Variants in PCDHGA4 observed in about 807,000 individuals in gnomAD.
PCDHGA4 encodes the protein protocadherin gamma-A4.
PCDHGA4 carries 38 observed loss-of-function variants against 54.6 expected under a neutral mutation model. The ratio of observed to expected loss-of-function variants is 0.70; its 90% CI spans 0.54 to 0.91. The LOEUF (loss-of-function observed/expected upper bound fraction) is 0.91. Ranked by LOEUF, PCDHGA4 falls within the 40% of genes least tolerant of loss-of-function variation. PCDHGA4 has a pLI of 0.00. For synonymous variants in PCDHGA4, 511 were observed against 512.9 expected (o/e 1.00, Z 0.05); for missense variants, 1,298 against 1,220.9 (o/e 1.06, Z -0.94).
intron 1 of PCDHGA4, among the ~76,000 whole-genome samples, chr5:141,434,982 A>G (rs908716553): frequency 3.3e-5 from 5 of 152,084 alleles, no homozygotes; most frequent in East Asian, 1.9e-4. Flanking sequence ...TTAATACTCT[A>G]TATCATTTTC....
chr5:141,357,966 G>T (rs1480314372), intron 1 of PCDHGA4, among the ~76,000 whole-genome samples: 1 of 152,286 alleles, frequency 6.6e-6, no homozygotes, highest in East Asian at 1.9e-4. Flanking sequence ...GAGGAGGACG[G>T]ATTGCCTGAG....
In PCDHGA4 at chr5:141,511,086, G is replaced by A. The variant is rs2099883600; in HGVS notation, c.2802G>A (p.Leu934=). The A allele has an allele frequency of 1.2e-6, 2 of 1,614,062 alleles. No individual in the cohort carries two copies. The highest frequency in any genetic ancestry group is 2.2e-5 in the East Asian group (1 of 44,886). The change falls in exon 4 of 4, where the codon CTG becomes CTA. Residue 934 remains leucine (L), a synonymous_variant. Transcript: ENST00000571252. ...ACATCCCAGGCAGCAATGCCACACT[G>A]ACCAACGCAGCTGGCAAGCGGGATG... is the stretch of plus-strand genomic sequence containing the variant. The part of the protein sequence containing the change: ...NVYIPGSNAT[L]TNAAGKRDGK...
chr5:141,389,741 G>A, intron 1 of PCDHGA4: 2 of 1,612,676 alleles, frequency 1.2e-6, no homozygotes, highest in African/African-American at 1.3e-5. Context: ...GCCTGGGGCT[G>A]CGCACGGGCG....
chr5:141,405,431 T>TGTTTTTGA (rs1428153443), intron 1 of PCDHGA4: 4 of 1,490,528 alleles, frequency 2.7e-6, no homozygotes, highest in Non-Finnish European at 2.7e-6. Flanking sequence ...TGTTTTGTTT[T>TGTTTTTGA]GTTTTTGAGA....
rs1435240793 is a variant in PCDHGA4 at position 141,402,906 on chromosome 5, CA to C, written c.2514+45286del. ...GGGTGGAAGAAAGAACCTGATGAAG[CA>C]GCGCGCACAGAGATCCTTTTGAGAA... On this transcript the variant is annotated intron_variant, in intron 1 of 3. Coordinates refer to ENST00000571252, the MANE Select transcript of PCDHGA4 (RefSeq NM_018917.4). The C allele has an allele frequency of 3.9e-6, 6 of 1,529,062 alleles. No homozygotes were observed. The African/African-American group carries it at 8.3e-5, about 21-fold the overall frequency. 94.7% of individuals were successfully genotyped at this position (1,529,062 alleles called of 1,614,324 possible). A position where few individuals can be genotyped will look rare whatever the true frequency, so the allele number is the denominator to read the frequency against.
At chr5:141,478,496 C>G in intron 1 of PCDHGA4, 1 of 1,613,014 alleles carries the variant, frequency 6.2e-7, no homozygotes, top group Non-Finnish European at 8.5e-7. Flanking sequence ...GAGCTGTGAT[C>G]CGGTGTTCTA....
intron 1 of PCDHGA4, among the ~76,000 whole-genome samples, chr5:141,453,479 A>G (rs1345415084): frequency 1.3e-5 from 2 of 152,082 alleles, no homozygotes; most frequent in Non-Finnish European, 2.9e-5. Context: ...AGTCAAAACT[A>G]TTAAAAAAAG....
In PCDHGA4 at chr5:141,366,896, A is replaced by T. The variant is rs73265840; in HGVS notation, c.2514+9275A>T. On this transcript the variant is annotated intron_variant, in intron 1 of 3. Coordinates refer to ENST00000571252, the MANE Select transcript of PCDHGA4 (RefSeq NM_018917.4). The stretch of plus-strand genomic sequence containing the variant: ...GAGATTAATTTTTTTTATATAATTC[A>T]TGCTTTCTCCATTTGTTTTCAAATT... The T allele has an allele frequency of 1.9e-3, 2,253 of 1,216,574 alleles. 33 individuals carry two copies. The African/African-American group carries it at 0.031, about 17-fold the overall frequency. The allele number at this position is 1,216,574 out of a possible 1,614,324, so 75.4% of individuals were successfully genotyped here.
chr5:141,414,280 G>C, intron 1 of PCDHGA4: 5 of 1,613,604 alleles, frequency 3.1e-6, no homozygotes, highest in Non-Finnish European at 4.2e-6. Context: ...TCTGGGAACA[G>C]TCGTAGCCCT....
In PCDHGA4 at chr5:141,357,021, C is replaced by A. The variant is rs1285126199; in HGVS notation, c.1914C>A (p.Ser638Arg). 1.9e-6 allele frequency: 3 copies of A among 1,614,146 alleles called. No homozygotes were observed. In the East Asian group the frequency reaches 6.7e-5, roughly 36 times the overall value. Residue 638 changes from serine (S) to arginine (R), a missense_variant, in exon 1 of 4, where the codon AGC (serine) becomes AGA (arginine). Transcript: ENST00000571252. ...GTCAGAATGCCTGGCTGTCCTACAG[C>A]CTACTCAAGTCCAGCGAGCCGGGAC... ...DSGQNAWLSY[S>R]LLKSSEPGLF...
intron 1 of PCDHGA4, chr5:141,415,561 T>C (rs11575963): frequency 0.067 from 108,836 of 1,614,090 alleles, 4,260 homozygotes; most frequent in Non-Finnish European, 0.077. Context: ...CGATCCTTTG[T>C]CTTTGTTAGA....
At chr5:141,483,637 G>A (rs1365525499) in intron 1 of PCDHGA4, among the ~76,000 whole-genome samples, 1 of 145,878 alleles carries the variant, frequency 6.9e-6, no homozygotes, top group South Asian at 2.1e-4. Flanking sequence ...AAGGTATAGA[G>A]GGGTGTGTGT....
Position 141,489,358 on chromosome 5 carries a change from G to C in PCDHGA4, c.2515-5449G>C. 1 of 1,613,144 alleles carries C rather than the reference G, an allele frequency of 6.2e-7. No homozygotes were observed. The highest frequency in any genetic ancestry group is 1.7e-4 in the Middle Eastern group (1 of 6,052). On this transcript the variant is annotated intron_variant, in intron 1 of 3. Coordinates refer to ENST00000571252, the MANE Select transcript of PCDHGA4 (RefSeq NM_018917.4). The surrounding 1 kb of genome is among the most constrained non-coding windows in gnomAD (Gnocchi z 4.5). ...TCGTTACTCAGTGGTGGAGGAGTCT[G>C]AGCCGGGGACGCTGGTGGGGAATGT...
At chr5:141,419,405 G>T (rs1219399978) in intron 1 of PCDHGA4, 1 of 1,613,512 alleles carries the variant, frequency 6.2e-7, no homozygotes, top group South Asian at 1.1e-5. Context: ...GGTGGTGTTC[G>T]CGCAGCGCGC....
At chr5:141,460,983 G>GTGTGTA (rs1554142949) in intron 1 of PCDHGA4, among the ~76,000 whole-genome samples, 82 of 137,842 alleles carry the variant, frequency 5.9e-4, no homozygotes, top group African/African-American at 1.9e-3. Flanking sequence ...GTGTGTGTGT[G>GTGTGTA]TATATATATA....
At chr5:141,405,767 T>C (rs957910070) in intron 1 of PCDHGA4, among the ~76,000 whole-genome samples, 2 of 152,128 alleles carry the variant, frequency 1.3e-5, no homozygotes, top group African/African-American at 4.8e-5. Flanking sequence ...CGTGAGCCAC[T>C]GCGCCTGGCC....
chr5:141,492,398 C>T (rs1347317333), intron 1 of PCDHGA4, among the ~76,000 whole-genome samples: 2 of 152,244 alleles, frequency 1.3e-5, no homozygotes, highest in Non-Finnish European at 1.5e-5. Flanking sequence ...CCACTCGCAG[C>T]TCCCCTCTGC....
intron 1 of PCDHGA4, among the ~76,000 whole-genome samples, chr5:141,454,701 C>G (rs1182969868): frequency 6.6e-6 from 1 of 151,760 alleles, no homozygotes; most frequent in Non-Finnish European, 1.5e-5. Context: ...CCACCATGCT[C>G]CACCTGCTTA....
intron 1 of PCDHGA4, chr5:141,416,489 G>A (rs2096031582): frequency 1.3e-5 from 2 of 152,158 alleles, no homozygotes; most frequent in Admixed American, 1.3e-4. Context: ...GAGAACAGGA[G>A]CAAGAGATAT....
Sources: allele counts gnomAD v4.1 joint callset (sites outside exome capture counted in the v4.1 genomes callset), GRCh38; gene constraint gnomAD v4.1.1; non-coding constraint Gnocchi (gnomAD v3.1); transcripts MANE v1.5; gene names NCBI Gene and HGNC (gene_info 2026-07-23, HGNC 2026-07-21).